MAN1A1: variants seen among roughly 807,000 people sequenced by gnomAD.
MAN1A1 encodes mannosidase alpha class 1A member 1, also known as mannosyl-oligosaccharide 1,2-alpha-mannosidase IA.
MAN1A1 carries 29 observed loss-of-function variants against 70.8 expected under a neutral mutation model. The ratio of observed to expected loss-of-function variants is 0.41; its 90% CI spans 0.31 to 0.56. MAN1A1 has a LOEUF of 0.56. Among genes scored for constraint, MAN1A1 ranks in the 20% least tolerant of loss-of-function variants. The pLI, the probability that MAN1A1 is intolerant of heterozygous loss-of-function variation, is 0.29. For missense variants in MAN1A1, 747 were observed against 841.3 expected (o/e 0.89, Z 1.39); for synonymous variants, 349 against 330.1 (o/e 1.06, Z -0.62).
chr6:119,339,229 ACTAT>A (rs1397608489), intron 2 of MAN1A1, among the ~76,000 whole-genome samples: 1 of 152,222 alleles, frequency 6.6e-6, no homozygotes, highest in African/African-American at 2.4e-5. Flanking sequence ...CTCAAAATGT[ACTAT>A]CTGTTGGCCA....
intron 2 of MAN1A1, 25 bp downstream of exon 2, chr6:119,348,438 G>C (rs1485568250): frequency 1.9e-6 from 3 of 1,548,830 alleles, no homozygotes; most frequent in South Asian, 2.4e-5. Context: ...CCGGTCGGGA[G>C]GGATTTCTGG....
intron 6 of MAN1A1, among the ~76,000 whole-genome samples, chr6:119,241,042 G>A (rs1774989362): frequency 6.6e-6 from 1 of 152,056 alleles, no homozygotes; most frequent in African/African-American, 2.4e-5. Context: ...GTGACTTTAT[G>A]GAAATAGCTT....
intron 2 of MAN1A1, among the ~76,000 whole-genome samples, chr6:119,315,447 A>T (rs1284319808): frequency 6.6e-6 from 1 of 152,224 alleles, no homozygotes; most frequent in African/African-American, 2.4e-5. Context: ...TCTAAGAAGT[A>T]TCTCGTTCTC....
At chr6:119,310,382 C>T (rs558177176) in intron 2 of MAN1A1, among the ~76,000 whole-genome samples, 1 of 152,196 alleles carries the variant, frequency 6.6e-6, no homozygotes, top group Non-Finnish European at 1.5e-5. Flanking sequence ...CCCTATTTCA[C>T]TGAAGCCTAC....
At chr6:119,279,796 C>T (rs1037589912) in intron 5 of MAN1A1, among the ~76,000 whole-genome samples, 1 of 152,192 alleles carries the variant, frequency 6.6e-6, no homozygotes, top group Non-Finnish European at 1.5e-5. Context: ...CCCCTAACTG[C>T]TTAAAGACCT....
At chr6:119,184,129 C>T (rs1405693072) in intron 11 of MAN1A1, among the ~76,000 whole-genome samples, 1 of 152,106 alleles carries the variant, frequency 6.6e-6, no homozygotes, top group Non-Finnish European at 1.5e-5. Context: ...GCCCTTACAA[C>T]AGCCCTGATT....
At chr6:119,319,624 T>C (rs1333899434) in intron 2 of MAN1A1, among the ~76,000 whole-genome samples, 1 of 152,156 alleles carries the variant, frequency 6.6e-6, no homozygotes, top group Non-Finnish European at 1.5e-5. Flanking sequence ...AATTGTTTTA[T>C]TATTCCAAAA....
chr6:119,198,155 A>C (rs1394750649), intron 8 of MAN1A1, among the ~76,000 whole-genome samples: 1 of 152,228 alleles, frequency 6.6e-6, no homozygotes, highest in East Asian at 1.9e-4. Context: ...TTGGGAGGCC[A>C]AGGTGGGCGG....
intron 11 of MAN1A1, among the ~76,000 whole-genome samples, chr6:119,181,984 T>C (rs1773164916): frequency 6.6e-6 from 1 of 152,214 alleles, no homozygotes; most frequent in Admixed American, 6.5e-5. Context: ...TATATCAATT[T>C]TCATTGCCAC....
chr6:119,298,092 TGAGTGAATGAA>T (rs1171553917), intron 4 of MAN1A1, among the ~76,000 whole-genome samples: 1 of 152,272 alleles, frequency 6.6e-6, no homozygotes, highest in Admixed American at 6.5e-5. Flanking sequence ...AAATAACACA[TGAGTGAATGAA>T]GAGTGACTAA....
At chr6:119,301,071 C>A (rs1772377546) in intron 4 of MAN1A1, among the ~76,000 whole-genome samples, 1 of 152,190 alleles carries the variant, frequency 6.6e-6, no homozygotes, top group South Asian at 2.1e-4. Flanking sequence ...TGTCCACTTT[C>A]AACACACAGC....
chr6:119,275,575 G>A (rs1776038413), intron 5 of MAN1A1, among the ~76,000 whole-genome samples: 1 of 150,594 alleles, frequency 6.6e-6, no homozygotes, highest in African/African-American at 2.4e-5. Context: ...CAAAGTGCTG[G>A]GATTACAGGC....
At chr6:119,230,734 A>G (rs1260765954) in intron 6 of MAN1A1, among the ~76,000 whole-genome samples, 2 of 152,050 alleles carry the variant, frequency 1.3e-5, no homozygotes, top group South Asian at 2.1e-4. Flanking sequence ...TGTTCACCTG[A>G]TATTTCCTGA....
intron 7 of MAN1A1, among the ~76,000 whole-genome samples, chr6:119,203,886 T>C (rs1773785487): frequency 6.6e-6 from 1 of 151,982 alleles, no homozygotes; most frequent in African/African-American, 2.4e-5. Context: ...ACTTGGAGTC[T>C]AGAGTATAGA....
intron 10 of MAN1A1, 136 bp from the exon 11 acceptor site, chr6:119,188,713 C>T: frequency 1.4e-6 from 1 of 732,664 alleles, no homozygotes; most frequent in Non-Finnish European, 2.2e-6. Context: ...CCGAGGATAA[C>T]AAAATCCATG....
intron 5 of MAN1A1, among the ~76,000 whole-genome samples, chr6:119,285,304 C>A (rs1004746958): frequency 2.0e-5 from 3 of 151,894 alleles, no homozygotes; most frequent in Admixed American, 6.6e-5. Context: ...CCAGACCTTG[C>A]TGTAACTAAT....
intron 2 of MAN1A1, among the ~76,000 whole-genome samples, chr6:119,315,090 A>G (rs1267812762): frequency 6.6e-6 from 1 of 152,070 alleles, no homozygotes; most frequent in Non-Finnish European, 1.5e-5. Flanking sequence ...TCTTGTTGCT[A>G]TGTGTGCAAT....
chr6:119,264,959 C>A (rs1323597856), intron 5 of MAN1A1, among the ~76,000 whole-genome samples: 1 of 152,054 alleles, frequency 6.6e-6, no homozygotes, highest in East Asian at 1.9e-4. Flanking sequence ...GAAAGCTATG[C>A]CAATACTGTA....
chr6:119,344,033 T>C (rs982254355), intron 2 of MAN1A1, among the ~76,000 whole-genome samples: 4 of 152,244 alleles, frequency 2.6e-5, no homozygotes, highest in Middle Eastern at 3.2e-3. Flanking sequence ...TTCAAATATG[T>C]AAGTTCTTCA....
Sources: allele counts gnomAD v4.1 joint callset (sites outside exome capture counted in the v4.1 genomes callset), GRCh38; gene constraint gnomAD v4.1.1; transcripts MANE v1.5; gene names NCBI Gene and HGNC (gene_info 2026-07-23, HGNC 2026-07-21).